The following CDH18 variants were observed in gnomAD, a reference collection of about 807,000 sequenced individuals.
CDH18 encodes the protein cadherin-18.
Under a neutral mutation model 67.9 loss-of-function variants are expected in CDH18, and 31 were observed. That is an observed-to-expected ratio of 0.46 (90% CI 0.34 to 0.62). The LOEUF is 0.62. Ranked by LOEUF, CDH18 falls within the 20% of genes least tolerant of loss-of-function variation. The probability of loss-of-function intolerance (pLI) is 0.01; values close to 1 mark genes in which losing one functional copy is unlikely to be tolerated. For synonymous variants in CDH18, 362 were observed against 347.2 expected (o/e 1.04, Z -0.48); for missense variants, 890 against 975.5 (o/e 0.91, Z 1.17).
At chr5:19,793,275 A>G (rs1467048825) in intron 3 of CDH18, among the ~76,000 whole-genome samples, 1 of 152,144 alleles carries the variant, frequency 6.6e-6, no homozygotes, top group Non-Finnish European at 1.5e-5. Context: ...TTAAGCCTAG[A>G]GCTAAACTAA....
At chr5:20,471,833 T>TTA (rs757184101) in intron 1 of CDH18, among the ~76,000 whole-genome samples, 20 of 51,490 alleles carry the variant, frequency 3.9e-4, no homozygotes, top group African/African-American at 1.3e-3. Context: ...AGATTCAGTC[T>TTA]AAAAAAAAAA....
intron 3 of CDH18, among the ~76,000 whole-genome samples, chr5:19,824,546 G>A (rs1561381081): frequency 6.6e-6 from 1 of 152,144 alleles, no homozygotes; most frequent in Non-Finnish European, 1.5e-5. Flanking sequence ...ATTTTGAAGT[G>A]GCAACTTTGG....
chr5:20,279,964 T>A (rs562427968), intron 1 of CDH18, among the ~76,000 whole-genome samples: 61 of 151,986 alleles, frequency 4.0e-4, no homozygotes, highest in Middle Eastern at 6.8e-3. Context: ...ATAGTCCACG[T>A]TAGCACACAA....
chr5:19,815,101 C>T (rs905976761), intron 3 of CDH18, among the ~76,000 whole-genome samples: 1 of 151,912 alleles, frequency 6.6e-6, no homozygotes, highest in Non-Finnish European at 1.5e-5. Context: ...ATTTAAAAAA[C>T]TCCTAAGTTA....
chr5:20,042,228 GCATATTTA>G (rs143262710), intron 2 of CDH18, among the ~76,000 whole-genome samples: 1,740 of 152,270 alleles, frequency 0.011, 37 homozygotes, highest in African/African-American at 0.04. Context: ...AAATAATTAA[GCATATTTA>G]CATATTTACT....
chr5:19,767,766 T>C (rs1773276263), intron 3 of CDH18, among the ~76,000 whole-genome samples: 1 of 152,152 alleles, frequency 6.6e-6, no homozygotes, highest in South Asian at 2.1e-4. Context: ...AAATTATTTC[T>C]TCCATTAAAG....
intron 7 of CDH18, among the ~76,000 whole-genome samples, chr5:19,590,252 T>C (rs2150021885): frequency 6.6e-6 from 1 of 152,202 alleles, no homozygotes; most frequent in South Asian, 2.1e-4. Flanking sequence ...AAATTTACAA[T>C]GAGAAAATAC....
At position 19,471,475 on chromosome 5, in the gene CDH18, T is replaced by C. The variant is rs1737646390; in HGVS notation, c.*1751A>G. On this transcript the variant is annotated 3_prime_UTR_variant, in exon 13 of 13. Coordinates refer to ENST00000382275, the MANE Select transcript of CDH18 (RefSeq NM_004934.5). ...GGGTAGAAACAGACAGAAAATGTCA[T>C]ATAACTTTTGGGGACACTGATAATG... Among the ~76,000 whole-genome samples the C allele has an allele frequency of 6.6e-6, 1 of 152,048 alleles. No individual in the cohort carries two copies. Among genetic ancestry groups the C allele is most frequent in the Admixed American group, 6.6e-5 (1 of 15,228 alleles).
At chr5:20,381,589 C>G (rs908131784) in intron 1 of CDH18, among the ~76,000 whole-genome samples, 4 of 152,084 alleles carry the variant, frequency 2.6e-5, no homozygotes, top group African/African-American at 9.7e-5. Context: ...TTTTAACTTG[C>G]TTTTCTGTGT....
intron 2 of CDH18, among the ~76,000 whole-genome samples, chr5:20,099,829 G>C (rs1426458796): frequency 6.6e-6 from 1 of 151,864 alleles, no homozygotes; most frequent in Admixed American, 6.6e-5. Context: ...TGTCACCCAG[G>C]CTGGAGTGCA....
At chr5:19,661,374 T>C (rs1445637379) in intron 5 of CDH18, among the ~76,000 whole-genome samples, 6 of 151,970 alleles carry the variant, frequency 3.9e-5, no homozygotes, top group Non-Finnish European at 8.8e-5. Context: ...GTACTGGTGA[T>C]AATCTTGGTG....
rs543500088 is a variant in CDH18, at chr5:19,480,631, C to T, written c.1882+2670G>A. ...TGACCTCGTGATGCGCCCACCTCAGCCTCCCAAAGTGCTGGGATTATGGCA... is the reference window on the plus strand; with the variant it reads ...TGACCTCGTGATGCGCCCACCTCAGTCTCCCAAAGTGCTGGGATTATGGCA... On this transcript the variant is annotated intron_variant, in intron 12 of 12. Coordinates refer to ENST00000382275, the MANE Select transcript of CDH18 (RefSeq NM_004934.5). 6.6e-5 allele frequency among the ~76,000 whole-genome samples: 10 copies of T among 152,290 alleles called. No homozygotes were observed. The South Asian group carries it at 1.9e-3, about 28-fold the overall frequency.
intron 1 of CDH18, among the ~76,000 whole-genome samples, chr5:20,448,148 T>C (rs1343448810): frequency 6.6e-6 from 1 of 151,130 alleles, no homozygotes; most frequent in Non-Finnish European, 1.5e-5. Flanking sequence ...GAACATGCGG[T>C]GTTTGGTTTT....
At chr5:19,749,688 A>G (rs1325751629) in intron 3 of CDH18, among the ~76,000 whole-genome samples, 1 of 151,034 alleles carries the variant, frequency 6.6e-6, no homozygotes, top group East Asian at 1.9e-4. Context: ...TATTAAATAT[A>G]TATACTATAC....
chr5:19,473,680 T>C lies in CDH18; in HGVS notation c.1919A>G (p.Lys640Arg), dbSNP rs1737947470. 1.2e-6 allele frequency: 2 copies of C among 1,613,222 alleles called. No individual in the cohort carries two copies. Among genetic ancestry groups the C allele is most frequent in the South Asian group, 1.1e-5 (1 of 91,070 alleles). Reference protein sequence around the residue: ...VVLFITLRRSKKEPLIISEED... With the variant: ...VVLFITLRRSRKEPLIISEED... ...TTCTGAAATGATCAAGGGCTCTTTTTTGCTGCGCCTCAGGGTGATAAAAAG... is the reference window on the plus strand; with the variant it reads ...TTCTGAAATGATCAAGGGCTCTTTTCTGCTGCGCCTCAGGGTGATAAAAAG... Residue 640 changes from lysine (K) to arginine (R), a missense_variant, in exon 13 of 13, where the codon AAA (lysine) becomes AGA (arginine). Coordinates refer to ENST00000382275, the MANE Select transcript of CDH18 (RefSeq NM_004934.5).
chr5:20,130,755 T>A (rs1334419582), intron 2 of CDH18, among the ~76,000 whole-genome samples: 1 of 152,066 alleles, frequency 6.6e-6, no homozygotes, highest in Non-Finnish European at 1.5e-5. Context: ...AATTTCTTCC[T>A]TTTAAAAATC....
chr5:20,198,215 C>T (rs190613709), intron 2 of CDH18, among the ~76,000 whole-genome samples: 2 of 152,098 alleles, frequency 1.3e-5, no homozygotes, highest in Admixed American at 6.5e-5. Context: ...CTTTGGAACT[C>T]GGTAACAGAC....
chr5:20,151,452 A>G (rs1238822743), intron 2 of CDH18, among the ~76,000 whole-genome samples: 1 of 152,134 alleles, frequency 6.6e-6, no homozygotes, highest in Non-Finnish European at 1.5e-5. Context: ...ATGAACATAC[A>G]TATGCATGTG....
chr5:20,053,485 C>T (rs1741626275), intron 2 of CDH18, among the ~76,000 whole-genome samples: 1 of 152,036 alleles, frequency 6.6e-6, no homozygotes, highest in African/African-American at 2.4e-5. Context: ...TCTCAGCTTT[C>T]CCCTATCTCA....
Sources: allele counts gnomAD v4.1 joint callset (sites outside exome capture counted in the v4.1 genomes callset), GRCh38; gene constraint gnomAD v4.1.1; transcripts MANE v1.5; gene names NCBI Gene and HGNC (gene_info 2026-07-23, HGNC 2026-07-21).